ELK3: variants seen among roughly 807,000 people sequenced by gnomAD.
ELK3 encodes the protein ETS domain-containing protein Elk-3.
In ELK3, 10 loss-of-function variants were observed where a neutral mutation model predicts 28.9. The observed-to-expected ratio is 0.35, with a 90% CI of 0.21 to 0.59. ELK3 has a LOEUF of 0.59. Among genes scored for constraint, ELK3 ranks in the 20% least tolerant of loss-of-function variants. The pLI, the probability that ELK3 is intolerant of heterozygous loss-of-function variation, is 0.82. For missense variants in ELK3, 463 were observed against 517.3 expected (o/e 0.90, Z 1.02); for synonymous variants, 272 against 243.5 (o/e 1.12, Z -1.09).
chr12:96,265,207 A>C (rs1373691795), intron 4 of ELK3, among the ~76,000 whole-genome samples: 1 of 152,234 alleles, frequency 6.6e-6, no homozygotes, highest in East Asian at 1.9e-4. Context: ...AGCCTAATAA[A>C]GATGACTAAA....
At chr12:96,207,725 G>A (rs185099976) in intron 1 of ELK3, among the ~76,000 whole-genome samples, 180 of 152,290 alleles carry the variant, frequency 1.2e-3, no homozygotes, top group African/African-American at 4.2e-3. Flanking sequence ...CAAGAATACT[G>A]TATAGAGTGG....
chr12:96,237,033 T>C (rs1951790021), intron 2 of ELK3, among the ~76,000 whole-genome samples: 1 of 152,218 alleles, frequency 6.6e-6, no homozygotes, highest in African/African-American at 2.4e-5. Context: ...TGTGTCTTTC[T>C]GTGTCTTCAT....
intron 3 of ELK3, among the ~76,000 whole-genome samples, chr12:96,254,996 G>A (rs960328343): frequency 6.6e-6 from 1 of 152,138 alleles, no homozygotes; most frequent in Non-Finnish European, 1.5e-5. Context: ...AGTCTGAATT[G>A]TTTTAGGAAT....
intron 2 of ELK3, among the ~76,000 whole-genome samples, chr12:96,228,407 AC>A (rs1019791286): frequency 1.4e-4 from 16 of 114,222 alleles, no homozygotes; most frequent in Non-Finnish European, 2.5e-4. Context: ...ACAGAGTGAG[AC>A]TCTGTGTCAA....
chr12:96,215,700 A>G (rs964186617), intron 1 of ELK3, among the ~76,000 whole-genome samples: 2 of 150,224 alleles, frequency 1.3e-5, no homozygotes, highest in African/African-American at 4.9e-5. Flanking sequence ...CAGTGGTGCA[A>G]TCACAGCTCA....
At chr12:96,225,063 A>G (rs1202636988) in intron 2 of ELK3, among the ~76,000 whole-genome samples, 1 of 152,232 alleles carries the variant, frequency 6.6e-6, no homozygotes, top group Non-Finnish European at 1.5e-5. Flanking sequence ...GAGTCCTACT[A>G]AGATATAAAA....
chr12:96,231,175 T>C (rs1951739146), intron 2 of ELK3, among the ~76,000 whole-genome samples: 1 of 152,218 alleles, frequency 6.6e-6, no homozygotes, highest in Admixed American at 6.5e-5. Flanking sequence ...AGGAGATAGG[T>C]TTGTTACTGT....
At chr12:96,197,324 C>T (rs182387165) in intron 1 of ELK3, among the ~76,000 whole-genome samples, 18 of 152,050 alleles carry the variant, frequency 1.2e-4, no homozygotes, top group East Asian at 1.9e-4. Flanking sequence ...GGAGGGTAGA[C>T]GCCAGGGGTG....
At chr12:96,266,815 A>G (rs1952035335) in intron 4 of ELK3, among the ~76,000 whole-genome samples, 1 of 152,208 alleles carries the variant, frequency 6.6e-6, no homozygotes, top group Non-Finnish European at 1.5e-5. Flanking sequence ...ATGCTTTAGC[A>G]ACATATAAAT....
chr12:96,261,036 A>G (rs554254932), intron 4 of ELK3, among the ~76,000 whole-genome samples: 3 of 152,306 alleles, frequency 2.0e-5, no homozygotes, highest in Non-Finnish European at 4.4e-5. Flanking sequence ...TGAATTCACA[A>G]AGAGAAGTCT....
At chr12:96,242,944 C>G (rs759208174) in intron 2 of ELK3, among the ~76,000 whole-genome samples, 1 of 152,130 alleles carries the variant, frequency 6.6e-6, no homozygotes, top group South Asian at 2.1e-4. Flanking sequence ...TCTCCATCCC[C>G]GTCACTGCGT....
At chr12:96,211,521 G>A (rs1040876978) in intron 1 of ELK3, among the ~76,000 whole-genome samples, 2 of 150,070 alleles carry the variant, frequency 1.3e-5, no homozygotes, top group African/African-American at 4.9e-5. Context: ...GTGTGTGTGT[G>A]TGTGTATCAG....
At chr12:96,221,384 A>C (rs1222382626) in intron 1 of ELK3, among the ~76,000 whole-genome samples, 1 of 152,240 alleles carries the variant, frequency 6.6e-6, no homozygotes, top group Non-Finnish European at 1.5e-5. Context: ...GATGTCAGTT[A>C]AAAGTGGGGG....
In ELK3 at chr12:96,227,795, G is replaced by A. The variant is rs996341190; in HGVS notation, c.207+4022G>A. On this transcript the variant is annotated intron_variant, in intron 2 of 4. Coordinates refer to ENST00000228741, the MANE Select transcript of ELK3 (RefSeq NM_005230.4). The stretch of plus-strand genomic sequence containing the variant: ...TGAATCCAGCTCCATGACTGTGGCC[G>A]TGTTGCCTAATCTCTCTGAGTCTCA... Among the ~76,000 whole-genome samples, 15 of 152,210 alleles carry A rather than the reference G, an allele frequency of 9.9e-5. 1 individual carries two copies. The highest frequency in any genetic ancestry group is 3.3e-4 in the Admixed American group (5 of 15,266).
chr12:96,195,302 C>G (rs1163407707), intron 1 of ELK3, among the ~76,000 whole-genome samples: 2 of 152,180 alleles, frequency 1.3e-5, no homozygotes, highest in Non-Finnish European at 2.9e-5. Context: ...TCCACTCTCG[C>G]TTGGCAGGTG....
chr12:96,228,552 T>C (rs559441299), intron 2 of ELK3, among the ~76,000 whole-genome samples: 7 of 152,124 alleles, frequency 4.6e-5, no homozygotes, highest in African/African-American at 1.7e-4. Flanking sequence ...CAGGAGCACT[T>C]TGTCGTGCTT....
Position 96,247,166 on chromosome 12 carries a change from C to T in ELK3, c.434C>T (p.Ser145Phe). 1 of 1,614,098 alleles carries T rather than the reference C, an allele frequency of 6.2e-7. No individual in the cohort carries two copies. The highest frequency in any genetic ancestry group is 8.5e-7 in the Non-Finnish European group (1 of 1,179,982). ...TACATCCACTCAGGCCTGTACTCGTCCTTCACCATTAATTCCCTGCAGAAC... is the reference window on the plus strand; with the variant it reads ...TACATCCACTCAGGCCTGTACTCGTTCTTCACCATTAATTCCCTGCAGAAC... ...NEYIHSGLYS[S>F]FTINSLQNPP... Residue 145 changes from serine (S) to phenylalanine (F), a missense_variant, in exon 3 of 5, where the codon TCC (serine) becomes TTC (phenylalanine). By Grantham distance (155) the Ser-to-Phe change is radical. This residue lies in a region of ELK3 where 408 missense variants were observed against 414.8 expected (regional missense o/e 0.98). Transcript: ENST00000228741. This position sits in a 1 kb window ranked among gnomAD's most constrained non-coding sequence, Gnocchi z 5.5.
At chr12:96,257,227 T>TA (rs1740662977) in intron 3 of ELK3, among the ~76,000 whole-genome samples, 1 of 152,192 alleles carries the variant, frequency 6.6e-6, no homozygotes, top group Admixed American at 6.5e-5. Flanking sequence ...GAGCAGGTGT[T>TA]ATAGGAACTT....
chr12:96,225,939 C>T (rs1389546746), intron 2 of ELK3, among the ~76,000 whole-genome samples: 1 of 152,038 alleles, frequency 6.6e-6, no homozygotes, highest in African/African-American at 2.4e-5. Flanking sequence ...CTGAGACCAG[C>T]CTGGGCAACA....
Sources: allele counts gnomAD v4.1 joint callset (sites outside exome capture counted in the v4.1 genomes callset), GRCh38; gene constraint gnomAD v4.1.1; regional missense constraint gnomAD v4.1.1; non-coding constraint Gnocchi (gnomAD v3.1); transcripts MANE v1.5; gene names NCBI Gene and HGNC (gene_info 2026-07-23, HGNC 2026-07-21).